Variants in WDR19 observed in about 807,000 individuals in gnomAD.
WDR19 encodes the protein WD repeat domain 19.
A neutral mutation model predicts 180.0 loss-of-function variants in WDR19; 121 were observed. The observed-to-expected ratio is 0.67, with a 90% CI of 0.58 to 0.78. The LOEUF (loss-of-function observed/expected upper bound fraction) is 0.78, where lower values mean the gene tolerates loss of function less well. Among genes scored for constraint, WDR19 ranks in the 30% least tolerant of loss-of-function variants. The pLI is 0.00. For synonymous variants in WDR19, 497 were observed against 540.7 expected (o/e 0.92, Z 1.12); for missense variants, 1,450 against 1,640.7 (o/e 0.88, Z 2.01).
rs557405566 is a variant in WDR19 at position 39,224,971 on chromosome 4, G to A, written c.1567G>A (p.Asp523Asn). 2.5e-5 allele frequency: 39 copies of A among 1,576,582 alleles called. 1 individual carries two copies. Among genetic ancestry groups the A allele is most frequent in the South Asian group, 5.9e-5 (5 of 85,366 alleles). ...TGTCAGTGTGAAAAAGATTTTTCCCGACCCAAATGGGACCAGATTAGTTTT... is the reference window on the plus strand; with the variant it reads ...TGTCAGTGTGAAAAAGATTTTTCCCAACCCAAATGGGACCAGATTAGTTTT... ...HPVSVKKIFP[D>N]PNGTRLVFID... is the part of the protein sequence containing the mutation. The change falls in exon 15 of 37, where the codon GAC becomes AAC. Residue 523 changes from aspartate (D) to asparagine (N), a missense_variant. Asp to Asn is a conservative substitution (Grantham distance 23). Transcript: ENST00000399820.
At chr4:39,243,690 G>A (rs1732205203) in intron 21 of WDR19, among the ~76,000 whole-genome samples, 1 of 152,042 alleles carries the variant, frequency 6.6e-6, no homozygotes, top group Non-Finnish European at 1.5e-5. Context: ...TATCGGACAG[G>A]GCAGATACAG....
At position 39,244,493 on chromosome 4, in the gene WDR19, G is replaced by A; in HGVS notation, c.2586G>A (p.Leu862=). 6.2e-7 allele frequency: 1 copy of A among 1,613,952 alleles called. No individual in the cohort carries two copies. Among genetic ancestry groups the A allele is most frequent in the South Asian group, 1.1e-5 (1 of 91,080 alleles). ...NMKQFSEAAQ[L]YEKGLYYDKA... ...AGCAATTTTCAGAAGCGGCCCAACTGTATGAAAAAGGTCTCTACTACGATA... is the reference window on the plus strand; with the variant it reads ...AGCAATTTTCAGAAGCGGCCCAACTATATGAAAAAGGTCTCTACTACGATA... Residue 862 remains leucine (L), a synonymous_variant, in exon 23 of 37, where the codon CTG becomes CTA. Coordinates refer to ENST00000399820, the MANE Select transcript of WDR19 (RefSeq NM_025132.4).
At position 39,195,093 on chromosome 4, in the gene WDR19, C is replaced by T. The variant is rs76753095; in HGVS notation, c.406+434C>T. Reference sequence around the variant, plus strand: ...GATTAAAACATTTACTGCTTGAGTCCGTGGTGGCTCACGCCTGTAATCCCA... The same window carrying T: ...GATTAAAACATTTACTGCTTGAGTCTGTGGTGGCTCACGCCTGTAATCCCA... On this transcript the variant is annotated intron_variant, in intron 5 of 36. Transcript: ENST00000399820. Among the ~76,000 whole-genome samples, 1,782 of 152,106 alleles carry T rather than the reference C, an allele frequency of 0.012. 215 individuals are homozygous for T. In the East Asian group the frequency reaches 0.27, roughly 23 times the overall value.
chr4:39,184,723 C>G (rs2109737855), intron 1 of WDR19, among the ~76,000 whole-genome samples: 1 of 152,276 alleles, frequency 6.6e-6, no homozygotes. Flanking sequence ...TGTTGCCGCA[C>G]AGACTAAGTC....
intron 7 of WDR19, 57 bp from the exon 8 acceptor site, chr4:39,205,097 G>A (rs1727808507): frequency 7.9e-7 from 1 of 1,262,596 alleles, no homozygotes; most frequent in Non-Finnish European, 1.1e-6. Flanking sequence ...TTGCTTAATG[G>A]TCTTTTCATG....
chr4:39,184,559 C>T (rs1158317429), intron 1 of WDR19, among the ~76,000 whole-genome samples: 8 of 151,840 alleles, frequency 5.3e-5, no homozygotes, highest in Non-Finnish European at 8.8e-5. Flanking sequence ...CTCCACCTCC[C>T]GGGTTCAAGG....
Position 39,245,447 on chromosome 4 carries a change from T to C in WDR19, c.2724T>C (p.Asp908=). 2 of 1,613,324 alleles carry C rather than the reference T, an allele frequency of 1.2e-6. No individual in the cohort carries two copies. Among genetic ancestry groups the C allele is most frequent in the Non-Finnish European group, 1.7e-6 (2 of 1,179,580 alleles). The change falls in exon 24 of 37, where the codon GAT becomes GAC. Residue 908 remains aspartate (D), a synonymous_variant. Coordinates refer to ENST00000399820, the MANE Select transcript of WDR19 (RefSeq NM_025132.4). ...HLQYAKAKEA[D]GRYKEAVVAY... ...AGTATGCCAAAGCCAAGGAAGCAGA[T>C]GGAAGGTTTGTACACTTTCTCAAAT... is the stretch of plus-strand genomic sequence containing the variant.
In WDR19 at chr4:39,254,607, G is replaced by A. The variant is rs556178441; in HGVS notation, c.3001+577G>A. 4.2e-4 allele frequency among the ~76,000 whole-genome samples: 64 copies of A among 152,120 alleles called. No homozygotes were observed. The South Asian group carries it at 0.012, about 30-fold the overall frequency. On this transcript the variant is annotated intron_variant, in intron 26 of 36. Coordinates refer to ENST00000399820, the MANE Select transcript of WDR19 (RefSeq NM_025132.4). ...TCATGGACCATACATAATGTTATTTGTGTTTTGTTTTGTTTTCTTATTGTG... is the reference window on the plus strand; with the variant it reads ...TCATGGACCATACATAATGTTATTTATGTTTTGTTTTGTTTTCTTATTGTG...
intron 26 of WDR19, among the ~76,000 whole-genome samples, chr4:39,254,298 A>G (rs1006235157): frequency 6.6e-6 from 1 of 152,222 alleles, no homozygotes; most frequent in Non-Finnish European, 1.5e-5. Context: ...AGATTTCCCA[A>G]ATCCTGCTAT....
Position 39,202,686 on chromosome 4 carries a change from G to A in WDR19, c.523-956G>A, listed in dbSNP as rs912589453. The stretch of plus-strand genomic sequence containing the variant: ...CCTCCTATAATACAAAAGTACATAT[G>A]CACTTAAAAAAAAAACTGCCTGAAC... On this transcript the variant is annotated intron_variant, in intron 6 of 36. Coordinates refer to ENST00000399820, the MANE Select transcript of WDR19 (RefSeq NM_025132.4). 7.9e-5 allele frequency among the ~76,000 whole-genome samples: 9 copies of A among 114,628 alleles called. No individual in the cohort carries two copies. The Admixed American group carries it at 9.1e-4, about 12-fold the overall frequency. 75.2% of individuals were successfully genotyped at this position (114,628 alleles called of 152,430 possible).
chr4:39,269,766 T>G (rs1286938413), intron 30 of WDR19, among the ~76,000 whole-genome samples: 1 of 152,204 alleles, frequency 6.6e-6, no homozygotes, highest in Non-Finnish European at 1.5e-5. Flanking sequence ...ATTGTGCCCT[T>G]GCACTCCAGC....
At chr4:39,279,727 A>G (rs1006661878) in intron 36 of WDR19, among the ~76,000 whole-genome samples, 8 of 128,896 alleles carry the variant, frequency 6.2e-5, no homozygotes, top group Admixed American at 5.3e-4. Context: ...TTTTTGAGAC[A>G]GTCTTGCTCT....
At position 39,244,313 on chromosome 4, in the gene WDR19, AG is replaced by A. The variant is rs1466881477; in HGVS notation, c.2491del (p.Val831LeufsTer23). 1.9e-6 allele frequency: 3 copies of A among 1,613,992 alleles called. No individual in the cohort carries two copies. The highest frequency in any genetic ancestry group is 2.2e-5 in the South Asian group (2 of 91,088). ...MSIRMGDIRR[G>X]VNQALKHPSR... ...CCATAAGAATGGGAGACATACGTCG[AG>A]GGGTTAACCAAGCCCTCAAGCATCC... On this transcript the variant is annotated frameshift_variant, in exon 22 of 37. Coordinates refer to ENST00000399820, the MANE Select transcript of WDR19 (RefSeq NM_025132.4). LOFTEE classifies it high-confidence loss of function.
At chr4:39,198,189 TTA>T (rs1352789104) in intron 5 of WDR19, among the ~76,000 whole-genome samples, 9 of 152,192 alleles carry the variant, frequency 5.9e-5, no homozygotes, top group African/African-American at 2.2e-4. Flanking sequence ...TTAAATCTGC[TTA>T]TGTCAAAGGT....
At chr4:39,233,493 C>T (rs1347512670) in intron 19 of WDR19, among the ~76,000 whole-genome samples, 1 of 152,138 alleles carries the variant, frequency 6.6e-6, no homozygotes. Context: ...GGTCTTTTAG[C>T]ACAGTGCCTG....
Position 39,232,229 on chromosome 4 carries a change from AG to A in WDR19, c.2212del (p.Asp738ThrfsTer15). 6.2e-7 allele frequency: 1 copy of A among 1,613,546 alleles called. No individual in the cohort carries two copies. The highest frequency in any genetic ancestry group is 1.1e-5 in the South Asian group (1 of 90,950). On this transcript the variant is annotated frameshift_variant, in exon 19 of 37. Coordinates refer to ENST00000399820, the MANE Select transcript of WDR19 (RefSeq NM_025132.4). LOFTEE classifies it high-confidence loss of function. ...AMFTNDYNLA[Q>X]DLYLASSCPI... ...TTTACCAACGATTATAACCTGGCTC[AG>A]GACTTGTACCTTGCATCCAGCTGTC...
rs370536258 is a variant in WDR19 at position 39,264,455 on chromosome 4, C to T, written c.3184-1608C>T. On this transcript the variant is annotated intron_variant, in intron 28 of 36. Transcript: ENST00000399820. Reference sequence around the variant, plus strand: ...GGCAGGGCAGTGTGCAGAAATCCTGCAGCCTGAGAGCCTCTGCACCTGCAG... The same window carrying T: ...GGCAGGGCAGTGTGCAGAAATCCTGTAGCCTGAGAGCCTCTGCACCTGCAG... Among the ~76,000 whole-genome samples, 5 of 152,324 alleles carry T rather than the reference C, an allele frequency of 3.3e-5. No homozygotes were observed. The East Asian group carries it at 7.7e-4, about 23-fold the overall frequency.
chr4:39,259,680 A>G (rs1734099314), intron 28 of WDR19, among the ~76,000 whole-genome samples: 2 of 152,198 alleles, frequency 1.3e-5, no homozygotes, highest in Admixed American at 6.5e-5. Flanking sequence ...CTTTTTGGCT[A>G]TTATGAGTAA....
chr4:39,183,339 T>G (rs1189752670), intron 1 of WDR19, among the ~76,000 whole-genome samples: 1 of 132,832 alleles, frequency 7.5e-6, no homozygotes, highest in Non-Finnish European at 1.6e-5. Context: ...AACCTCCACC[T>G]CCTGGGTTCA....
Sources: gnomAD v4.1 joint callset for allele counts (sites outside exome capture counted in the v4.1 genomes callset) on GRCh38, gnomAD v4.1.1 for gene constraint, MANE v1.5 for transcripts, NCBI Gene and HGNC (gene_info 2026-07-23, HGNC 2026-07-21) for gene names.